The following GPATCH11 variants were observed in gnomAD, a reference collection of about 807,000 sequenced individuals.
GPATCH11 encodes G patch domain-containing protein 11.
GPATCH11 carries 32 observed loss-of-function variants against 44.8 expected under a neutral mutation model. That is an observed-to-expected ratio of 0.71 (90% CI 0.54 to 0.96). The LOEUF is 0.96. GPATCH11 is among the 40% of genes least tolerant of loss of function. The pLI, the probability that GPATCH11 is intolerant of heterozygous loss-of-function variation, is 0.00. For missense variants in GPATCH11, 324 were observed against 303.1 expected (o/e 1.07, Z -0.51); for synonymous variants, 84 against 94.4 (o/e 0.89, Z 0.64).
chr2:37,091,058 C>A (rs1673295305), intron 4 of GPATCH11, among the ~76,000 whole-genome samples: 1 of 152,090 alleles, frequency 6.6e-6, no homozygotes, highest in African/African-American at 2.4e-5. Flanking sequence ...GGCGTGGTGG[C>A]TCACACCTGT....
intron 1 of GPATCH11, among the ~76,000 whole-genome samples, chr2:37,086,145 T>A (rs182687027): frequency 2.0e-5 from 3 of 152,288 alleles, no homozygotes; most frequent in African/African-American, 7.2e-5. Context: ...TCCTGTTCAC[T>A]GTGGAAGGAG....
chr2:37,089,577 A>AT, intron 2 of GPATCH11, 63 bp from the exon 3 acceptor site: 1 of 1,115,672 alleles, frequency 9.0e-7, no homozygotes, highest in Non-Finnish European at 1.3e-6. Context: ...CAAAAAATAA[A>AT]AAAAAAAAAA....
rs867016785 is a variant in GPATCH11 at position 37,096,610 on chromosome 2, C to G, written c.*347C>G. On this transcript the variant is annotated 3_prime_UTR_variant, in exon 9 of 9. Coordinates refer to ENST00000674370, the MANE Select transcript of GPATCH11 (RefSeq NM_174931.4). Reference sequence around the variant, plus strand: ...AGTCAGAGGAAGAGAAAAATATCCACTTTATCAGTGAATAAACTGATACAG... The same window carrying G: ...AGTCAGAGGAAGAGAAAAATATCCAGTTTATCAGTGAATAAACTGATACAG... 8.7e-5 allele frequency: 20 copies of G among 229,242 alleles called. No individual in the cohort carries two copies. Among genetic ancestry groups the G allele is most frequent in the African/African-American group, 3.8e-4 (16 of 42,490 alleles). The allele number at this position is 229,242 out of a possible 1,614,324, so 14.2% of individuals were successfully genotyped here.
At chr2:37,096,071 A>T in intron 8 of GPATCH11, 137 bp from the exon 9 acceptor site, 1 of 613,246 alleles carries the variant, frequency 1.6e-6, no homozygotes, top group Non-Finnish European at 2.8e-6. Context: ...ATTTTTGGTT[A>T]TTGTTGTTTT....
At chr2:37,090,565 T>C (rs1673267710) in intron 3 of GPATCH11, 116 bp from the exon 4 acceptor site, 2 of 609,768 alleles carry the variant, frequency 3.3e-6, no homozygotes, top group South Asian at 4.0e-5. Context: ...GATTTCAATT[T>C]TGAATATCAT....
chr2:37,093,619 A>G (rs1274990542), intron 6 of GPATCH11, among the ~76,000 whole-genome samples: 1 of 152,172 alleles, frequency 6.6e-6, no homozygotes, highest in Non-Finnish European at 1.5e-5. Context: ...GCACAATTCT[A>G]AAGAATTGGA....
rs1558400353 is a variant in GPATCH11, at chr2:37,098,370, A to ATATAT, written c.*2107_*2108insTATAT. 4.4e-5 allele frequency: 5 copies of ATATAT among 113,332 alleles called. No homozygotes were observed. The highest frequency in any genetic ancestry group is 7.9e-5 in the Admixed American group (1 of 12,604). 7.0% of individuals were successfully genotyped at this position (113,332 alleles called of 1,614,324 possible). On this transcript the variant is annotated 3_prime_UTR_variant, in exon 9 of 9. Transcript: ENST00000674370. ...TATGTATGTATATATATATATATAT[A>ATATAT]GAGAGAGAGAGAGAGAGAGAGCTAT...
intron 7 of GPATCH11, 69 bp from the exon 8 acceptor site, chr2:37,095,368 C>T (rs553782961): frequency 2.0e-5 from 31 of 1,514,118 alleles, no homozygotes; most frequent in Admixed American, 2.6e-5. Context: ...TAATTCGGCA[C>T]GATCTAAGAG....
chr2:37,097,779 C>T lies in GPATCH11; in HGVS notation c.*1516C>T, dbSNP rs1342086660. 6.6e-6 allele frequency: 1 copy of T among 152,170 alleles called. No homozygotes were observed. The highest frequency in any genetic ancestry group is 1.5e-5 in the Non-Finnish European group (1 of 68,028). 9.4% of individuals were successfully genotyped at this position (152,170 alleles called of 1,614,324 possible). A position where few individuals can be genotyped will look rare whatever the true frequency, so the allele number is the denominator to read the frequency against. On this transcript the variant is annotated 3_prime_UTR_variant, in exon 9 of 9. Transcript: ENST00000674370. ...CACTTTTCAAGTTTAACTTGGGGAG[C>T]TTTACAAAATAGTAATAAAAGGGTC...
In GPATCH11 at chr2:37,099,016, G is replaced by C. The variant is rs1434521456; in HGVS notation, c.*2753G>C. 5.9e-5 allele frequency: 9 copies of C among 152,128 alleles called. No homozygotes were observed. The highest frequency in any genetic ancestry group is 1.3e-4 in the Admixed American group (2 of 15,274). 9.4% of individuals were successfully genotyped at this position (152,128 alleles called of 1,614,324 possible). On this transcript the variant is annotated 3_prime_UTR_variant, in exon 9 of 9. Transcript: ENST00000674370. Reference sequence around the variant, plus strand: ...GAAAAGAATTTTAAAATTTGTTGTAGAACATTAATACGAAATTTGAAACTG... The same window carrying C: ...GAAAAGAATTTTAAAATTTGTTGTACAACATTAATACGAAATTTGAAACTG...
intron 7 of GPATCH11, among the ~76,000 whole-genome samples, chr2:37,094,844 G>C (rs562198013): frequency 6.6e-6 from 1 of 152,120 alleles, no homozygotes; most frequent in South Asian, 2.1e-4. Flanking sequence ...AGGAGGCTGA[G>C]GTAGGAGGAT....
chr2:37,088,437 T>A lies in GPATCH11; in HGVS notation c.56T>A (p.Val19Asp), dbSNP rs757278154. The change falls in exon 2 of 9, where the codon GTC (valine) becomes GAC (aspartate). Residue 19 changes from valine to aspartate, a missense_variant. Val to Asp is a radical substitution (Grantham distance 152). Transcript: ENST00000674370. ...EDYMSDSFIN[V>D]QEDIRPGLPM... Reference sequence around the variant, plus strand: ...TATATGTCTGATTCCTTCATTAATGTCCAGTAAGTAAATGTGCACACCCAG... The same window carrying A: ...TATATGTCTGATTCCTTCATTAATGACCAGTAAGTAAATGTGCACACCCAG... 2 of 1,535,466 alleles carry A rather than the reference T, an allele frequency of 1.3e-6. No individual in the cohort carries two copies. Among genetic ancestry groups the A allele is most frequent in the South Asian group, 2.3e-5 (2 of 87,060 alleles).
At chr2:37,088,306 A>G in intron 1 of GPATCH11, 63 bp from the exon 2 acceptor site, 1 of 727,584 alleles carries the variant, frequency 1.4e-6, no homozygotes, top group Non-Finnish European at 2.2e-6. Flanking sequence ...GGCTGCAGAT[A>G]CAGAAAGGTT....
chr2:37,099,139 T>G lies in GPATCH11; in HGVS notation c.*2876T>G, dbSNP rs887404942. ...TCCTATCTAGAAATTCTAAAATGTC[T>G]AATTTTCTTAATTAAAAATCCAGAA... On this transcript the variant is annotated 3_prime_UTR_variant, in exon 9 of 9. Transcript: ENST00000674370. 1.3e-5 allele frequency: 2 copies of G among 152,244 alleles called. No individual in the cohort carries two copies. The highest frequency in any genetic ancestry group is 4.8e-5 in the African/African-American group (2 of 41,474). The allele number at this position is 152,244 out of a possible 1,614,324, so 9.4% of individuals were successfully genotyped here.
At chr2:37,087,099 C>A (rs1673085818) in intron 1 of GPATCH11, among the ~76,000 whole-genome samples, 1 of 152,090 alleles carries the variant, frequency 6.6e-6, no homozygotes, top group African/African-American at 2.4e-5. Flanking sequence ...TCAGAAACAC[C>A]CATAAAAGAC....
Position 37,097,198 on chromosome 2 carries a change from A to C in GPATCH11, c.*935A>C, listed in dbSNP as rs1572987122. ...AGCATTCCCAGCAAGTGATAGTTCA[A>C]CCTTTGCTTTTATTCTTCCAGCCAC... On this transcript the variant is annotated 3_prime_UTR_variant, in exon 9 of 9. Coordinates refer to ENST00000674370, the MANE Select transcript of GPATCH11 (RefSeq NM_174931.4). 1.3e-5 allele frequency: 2 copies of C among 152,244 alleles called. No homozygotes were observed. The highest frequency in any genetic ancestry group is 4.8e-5 in the African/African-American group (2 of 41,534). The allele number at this position is 152,244 out of a possible 1,614,324, so 9.4% of individuals were successfully genotyped here. A position where few individuals can be genotyped will look rare whatever the true frequency, so the allele number is the denominator to read the frequency against.
chr2:37,087,033 C>G (rs1034530071), intron 1 of GPATCH11, among the ~76,000 whole-genome samples: 5 of 152,142 alleles, frequency 3.3e-5, no homozygotes. Context: ...CAGACAAGAT[C>G]CCTTCATGGG....
At chr2:37,086,731 G>A (rs1295571698) in intron 1 of GPATCH11, among the ~76,000 whole-genome samples, 1 of 152,174 alleles carries the variant, frequency 6.6e-6, no homozygotes, top group Non-Finnish European at 1.5e-5. Context: ...CTCGGCAGGT[G>A]TAGGTTGCAG....
intron 1 of GPATCH11, 32 bp downstream of exon 1, chr2:37,084,602 C>G (rs1170214229): frequency 8.2e-7 from 1 of 1,226,698 alleles, no homozygotes. Flanking sequence ...GGTCTGGGGA[C>G]AACCGGTAGA....
Sources: gnomAD v4.1 joint callset for allele counts (sites outside exome capture counted in the v4.1 genomes callset) on GRCh38, gnomAD v4.1.1 for gene constraint, MANE v1.5 for transcripts, NCBI Gene and HGNC (gene_info 2026-07-23, HGNC 2026-07-21) for gene names.